TMEM132C: variants seen among roughly 807,000 people sequenced by gnomAD.
TMEM132C encodes the protein protein phosphatase 1, regulatory subunit 152.
Under a neutral mutation model 61.4 loss-of-function variants are expected in TMEM132C, and 29 were observed. The observed-to-expected ratio is 0.47, with a 90% CI of 0.35 to 0.64. The LOEUF is 0.64. Ranked by LOEUF, TMEM132C falls within the 30% of genes least tolerant of loss-of-function variation. The pLI is 0.00. For missense variants in TMEM132C, 1,408 were observed against 1,476.9 expected (o/e 0.95, Z 0.76); for synonymous variants, 656 against 633.1 (o/e 1.04, Z -0.54).
chr12:128,650,160 C>CAG (rs1453800232), intron 4 of TMEM132C, among the ~76,000 whole-genome samples: 1 of 152,174 alleles, frequency 6.6e-6, no homozygotes, highest in African/African-American at 2.4e-5. Context: ...GGCAGAAACT[C>CAG]AGAGTGCAGT....
chr12:128,568,085 G>A (rs1427798850), intron 3 of TMEM132C, among the ~76,000 whole-genome samples: 3 of 152,244 alleles, frequency 2.0e-5, no homozygotes, highest in Admixed American at 6.5e-5. Context: ...TCGGTGTGCA[G>A]AATGGGTTTG....
intron 1 of TMEM132C, among the ~76,000 whole-genome samples, chr12:128,299,067 C>T (rs932977317): frequency 4.6e-5 from 7 of 152,152 alleles, no homozygotes; most frequent in South Asian, 2.1e-4. Flanking sequence ...CGGTGGCTTA[C>T]GGTAGGATTA....
At chr12:128,566,585 T>C (rs894940547) in intron 3 of TMEM132C, among the ~76,000 whole-genome samples, 6 of 152,198 alleles carry the variant, frequency 3.9e-5, no homozygotes, top group Non-Finnish European at 8.8e-5. Context: ...CAAACTGACA[T>C]AAAACGCCCA....
chr12:128,507,849 A>G (rs1204062891), intron 2 of TMEM132C, among the ~76,000 whole-genome samples: 1 of 152,204 alleles, frequency 6.6e-6, no homozygotes, highest in African/African-American at 2.4e-5. Context: ...TGGCTGAGGC[A>G]TGGGAACCTG....
intron 2 of TMEM132C, among the ~76,000 whole-genome samples, chr12:128,489,564 T>TATATATATATATATATAC (rs772441745): frequency 1.4e-5 from 2 of 145,706 alleles, no homozygotes; most frequent in Admixed American, 1.4e-4. Context: ...TATATGCTCA[T>TATATATATATATATATAC]ATATATATAT....
intron 2 of TMEM132C, among the ~76,000 whole-genome samples, chr12:128,540,593 G>A (rs1014893033): frequency 1.3e-5 from 2 of 152,150 alleles, no homozygotes; most frequent in African/African-American, 4.8e-5. Context: ...TTACTGCATA[G>A]GCTGTATTTC....
intron 2 of TMEM132C, among the ~76,000 whole-genome samples, chr12:128,423,259 G>A (rs182541653): frequency 1.8e-4 from 28 of 152,320 alleles, no homozygotes; most frequent in African/African-American, 6.5e-4. Context: ...AGAAGGTGAT[G>A]TTCTTTCCTA....
At chr12:128,522,393 G>T (rs892965415) in intron 2 of TMEM132C, among the ~76,000 whole-genome samples, 2 of 152,210 alleles carry the variant, frequency 1.3e-5, no homozygotes, top group Non-Finnish European at 2.9e-5. Flanking sequence ...CAGATTGCTA[G>T]CCCGGCACTC....
intron 2 of TMEM132C, among the ~76,000 whole-genome samples, chr12:128,477,610 C>T (rs1257476546): frequency 6.6e-6 from 1 of 152,048 alleles, no homozygotes; most frequent in Non-Finnish European, 1.5e-5. Context: ...GACAGAGTCT[C>T]ACTCTGTTGC....
intron 2 of TMEM132C, among the ~76,000 whole-genome samples, chr12:128,525,077 C>T (rs999460870): frequency 1.3e-4 from 20 of 152,198 alleles, no homozygotes; most frequent in African/African-American, 4.8e-4. Context: ...ACCTTCTATA[C>T]CTCTAAGAGA....
chr12:128,685,737 CAG>C (rs201439394), intron 5 of TMEM132C, among the ~76,000 whole-genome samples: 4,772 of 144,060 alleles, frequency 0.033, 117 homozygotes, highest in Non-Finnish European at 0.051. Context: ...TGGCTGAGAG[CAG>C]ACCTCTAGGG....
chr12:128,461,056 GA>G (rs1244846052), intron 2 of TMEM132C, among the ~76,000 whole-genome samples: 1 of 152,032 alleles, frequency 6.6e-6, no homozygotes. Flanking sequence ...TGCAAAAAAA[GA>G]AAAAAATAAC....
chr12:128,634,697 G>C (rs1370780087), intron 4 of TMEM132C, among the ~76,000 whole-genome samples: 1 of 152,192 alleles, frequency 6.6e-6, no homozygotes, highest in Non-Finnish European at 1.5e-5. Flanking sequence ...TACAAACTGA[G>C]TAAAACCCAC....
At chr12:128,397,562 G>A (rs569643227) in intron 1 of TMEM132C, among the ~76,000 whole-genome samples, 33 of 152,110 alleles carry the variant, frequency 2.2e-4, no homozygotes, top group Non-Finnish European at 4.6e-4. Context: ...TGCTCTTACT[G>A]TGGGTTTGCA....
chr12:128,407,063 A>G (rs964573494), intron 1 of TMEM132C, among the ~76,000 whole-genome samples: 1 of 152,232 alleles, frequency 6.6e-6, no homozygotes, highest in African/African-American at 2.4e-5. Context: ...TGGTTTGGCC[A>G]TGTCCCCACC....
At chr12:128,481,376 G>T (rs927584560) in intron 2 of TMEM132C, among the ~76,000 whole-genome samples, 1 of 152,134 alleles carries the variant, frequency 6.6e-6, no homozygotes, top group South Asian at 2.1e-4. Flanking sequence ...GGGACAGGAC[G>T]TCCACCAGGC....
In TMEM132C at chr12:128,705,293, C is replaced by T. The variant is rs764916798; in HGVS notation, c.2325C>T (p.Ile775=). The change falls in exon 9 of 9, where the codon ATC becomes ATT. Residue 775 remains isoleucine, a synonymous_variant. Transcript: ENST00000435159. The stretch of plus-strand genomic sequence containing the variant: ...CACTGATCCGAGTGGACATGACGAT[C>T]GCCGAGGCCTGCCAGAAATCTAAAC... ...QGPLIRVDMT[I]AEACQKSKRK... The T allele has an allele frequency of 7.9e-4, 1,232 of 1,551,290 alleles. No homozygotes were observed. Among genetic ancestry groups the T allele is most frequent in the Non-Finnish European group, 9.8e-4 (1,126 of 1,146,822 alleles).
chr12:128,582,414 CTTTTTT>C (rs36054458), intron 3 of TMEM132C, among the ~76,000 whole-genome samples: 1 of 132,532 alleles, frequency 7.5e-6, no homozygotes, highest in Non-Finnish European at 1.6e-5. Flanking sequence ...ATAGATGCTG[CTTTTTT>C]TTTTTTTTTT....
At chr12:128,290,833 C>T (rs541986195) in intron 1 of TMEM132C, among the ~76,000 whole-genome samples, 1 of 146,840 alleles carries the variant, frequency 6.8e-6, no homozygotes, top group Admixed American at 6.8e-5. Context: ...ACTTTGCCTT[C>T]TGTGGCTCAT....
Sources: gnomAD v4.1 joint callset for allele counts (sites outside exome capture counted in the v4.1 genomes callset) on GRCh38, gnomAD v4.1.1 for gene constraint, MANE v1.5 for transcripts, NCBI Gene and HGNC (gene_info 2026-07-23, HGNC 2026-07-21) for gene names.